R3HDM1: variants seen among roughly 807,000 people sequenced by gnomAD.
R3HDM1 encodes the protein R3H domain containing 1, also known as R3H domain-containing protein 1.
In R3HDM1, 46 loss-of-function variants were observed where a neutral mutation model predicts 141.1. That is an observed-to-expected ratio of 0.33 (90% CI 0.26 to 0.42). R3HDM1 has a LOEUF of 0.42. R3HDM1 is among the 10% of genes least tolerant of loss of function. The pLI, the probability that R3HDM1 is intolerant of heterozygous loss-of-function variation, is 1.00. For missense variants in R3HDM1, 1,184 were observed against 1,368.3 expected, an observed-to-expected ratio of 0.87 and a Z score of 2.12; for synonymous variants, 435 against 472.9, an observed-to-expected ratio of 0.92 and a Z score of 1.04.
Position 135,616,719 on chromosome 2 carries a change from C to G in R3HDM1, c.265C>G (p.Pro89Ala). 1 of 1,609,310 alleles carries G rather than the reference C, an allele frequency of 6.2e-7. No homozygotes were observed. Among genetic ancestry groups the G allele is most frequent in the Non-Finnish European group, 8.5e-7 (1 of 1,177,096 alleles). ...GAGCCTTGCAGTGTGTGAAGAATCT[C>G]CACCACCCCCTGCACCAGAGATATC... The part of the protein sequence containing the change: ...VRSLAVCEES[P>A]PPPAPEISQE... Residue 89 changes from proline to alanine, a missense_variant, in exon 5 of 27, where the codon CCA (proline) becomes GCA (alanine). This residue lies in a region of R3HDM1 where 192 missense variants were observed against 215.7 expected (regional missense o/e 0.89). Transcript: ENST00000683871.
At chr2:135,622,920 C>G (rs1178845673) in intron 7 of R3HDM1, 188 bp downstream of exon 7, 2 of 983,762 alleles carry the variant, frequency 2.0e-6, no homozygotes, top group Non-Finnish European at 2.4e-6. Context: ...TATCTTTTTG[C>G]ATTATGCATG....
intron 11 of R3HDM1, among the ~76,000 whole-genome samples, chr2:135,637,067 G>T (rs2063335340): frequency 6.6e-6 from 1 of 152,170 alleles, no homozygotes; most frequent in Non-Finnish European, 1.5e-5. Context: ...TTCAACCCAG[G>T]TCTGCTGAAC....
intron 1 of R3HDM1, chr2:135,561,466 C>A: frequency 1.8e-6 from 1 of 569,664 alleles, no homozygotes; most frequent in Non-Finnish European, 2.2e-6. Context: ...CTTGAAATCC[C>A]AGCGCTTTGG....
At chr2:135,685,218 C>G (rs1019491334) in intron 21 of R3HDM1, among the ~76,000 whole-genome samples, 3 of 152,130 alleles carry the variant, frequency 2.0e-5, no homozygotes, top group Non-Finnish European at 4.4e-5. Flanking sequence ...CCTTCTCTCT[C>G]CCTACCCTAC....
At chr2:135,575,457 C>T (rs1254419554) in intron 1 of R3HDM1, among the ~76,000 whole-genome samples, 1 of 152,216 alleles carries the variant, frequency 6.6e-6, no homozygotes, top group African/African-American at 2.4e-5. Context: ...CTAGGATTTA[C>T]AGGCGTGAGC....
chr2:135,621,428 T>C (rs2061501719), intron 5 of R3HDM1, 66 bp from the exon 6 acceptor site: 1 of 983,764 alleles, frequency 1.0e-6, no homozygotes, highest in Non-Finnish European at 1.5e-6. Context: ...TCAAAAAATA[T>C]AAATGTGTGG....
chr2:135,667,200 C>G (rs998155199), intron 19 of R3HDM1: 2 of 982,456 alleles, frequency 2.0e-6, no homozygotes, highest in Admixed American at 1.2e-4. Flanking sequence ...CCTTCCTGCT[C>G]TCTTCTTGGT....
intron 7 of R3HDM1, among the ~76,000 whole-genome samples, chr2:135,630,520 T>C (rs1378363229): frequency 6.6e-6 from 1 of 152,076 alleles, no homozygotes; most frequent in Non-Finnish European, 1.5e-5. Context: ...TAAACAAATA[T>C]AAAAATGTAA....
chr2:135,672,104 A>G (rs768823501), intron 19 of R3HDM1, among the ~76,000 whole-genome samples: 5 of 152,228 alleles, frequency 3.3e-5, no homozygotes, highest in Admixed American at 1.3e-4. Flanking sequence ...TAATTAAGAT[A>G]GATTCTTAGC....
chr2:135,593,377 C>T (rs1163083174), intron 1 of R3HDM1, among the ~76,000 whole-genome samples: 1 of 152,170 alleles, frequency 6.6e-6, no homozygotes, highest in Admixed American at 6.5e-5. Flanking sequence ...ATACATTTTA[C>T]CCTCACTAGC....
At chr2:135,599,420 G>C (rs1296891994) in intron 1 of R3HDM1, among the ~76,000 whole-genome samples, 1 of 152,030 alleles carries the variant, frequency 6.6e-6, no homozygotes, top group Non-Finnish European at 1.5e-5. Flanking sequence ...TCTATATTTT[G>C]TTCATTTTTT....
At position 135,598,726 on chromosome 2, in the gene R3HDM1, A is replaced by G. The variant is rs78815591; in HGVS notation, c.-249-3774A>G. On this transcript the variant is annotated intron_variant, in intron 1 of 26. Coordinates refer to ENST00000683871, the MANE Select transcript of R3HDM1 (RefSeq NM_001378107.1). ...AGTTTTAAATGAATTCATTATGAAA[A>G]ATATTACCACAGGGCCAGGCACATG... Among the ~76,000 whole-genome samples the G allele has an allele frequency of 1.4e-4, 22 of 152,290 alleles. No individual in the cohort carries two copies. The East Asian group carries it at 4.2e-3, about 29-fold the overall frequency.
At chr2:135,711,963 TAAAA>T (rs35616482) in intron 23 of R3HDM1, among the ~76,000 whole-genome samples, 6 of 85,098 alleles carry the variant, frequency 7.1e-5, no homozygotes, top group African/African-American at 9.6e-5. Context: ...TGTCTAAAAT[TAAAA>T]AAAAAAAAAA....
chr2:135,712,474 G>A (rs2075764128), intron 23 of R3HDM1, among the ~76,000 whole-genome samples: 1 of 130,448 alleles, frequency 7.7e-6, no homozygotes, highest in Admixed American at 8.7e-5. Flanking sequence ...GTATTGCCGT[G>A]TTGCCCAGGC....
At chr2:135,710,617 T>C (rs1452720378) in intron 23 of R3HDM1, among the ~76,000 whole-genome samples, 2 of 151,832 alleles carry the variant, frequency 1.3e-5, no homozygotes, top group Non-Finnish European at 2.9e-5. Context: ...GCCATTGCAC[T>C]CCAGCCTGGG....
intron 19 of R3HDM1, chr2:135,667,569 A>G (rs2067711951): frequency 1.2e-6 from 1 of 851,086 alleles, no homozygotes; most frequent in Non-Finnish European, 1.4e-6. Context: ...GTATCACAGG[A>G]AGAATTTTTT....
chr2:135,581,303 T>C, intron 1 of R3HDM1: 1 of 985,434 alleles, frequency 1.0e-6, no homozygotes, highest in Middle Eastern at 5.2e-4. Context: ...GTAGGGGAAC[T>C]CTCATGCGTC....
At chr2:135,652,479 CTT>C (rs1453965367) in intron 18 of R3HDM1, among the ~76,000 whole-genome samples, 1 of 152,176 alleles carries the variant, frequency 6.6e-6, no homozygotes, top group Non-Finnish European at 1.5e-5. Context: ...ATTTAACTAA[CTT>C]TTAATTTCTG....
chr2:135,722,417 T>C (rs1377660745), intron 25 of R3HDM1, 52 bp from the exon 26 acceptor site: 33 of 1,573,180 alleles, frequency 2.1e-5, no homozygotes, highest in African/African-American at 1.4e-5. Context: ...ACATCCAAAG[T>C]GTGTTTTTCA....
Sources: allele counts gnomAD v4.1 joint callset (sites outside exome capture counted in the v4.1 genomes callset), GRCh38; gene constraint gnomAD v4.1.1; regional missense constraint gnomAD v4.1.1; transcripts MANE v1.5; gene names NCBI Gene and HGNC (gene_info 2026-07-23, HGNC 2026-07-21).